Variants in ALDH6A1 observed in about 807,000 individuals in gnomAD.
The protein encoded by ALDH6A1 is aldehyde dehydrogenase 6 family member A1.
In ALDH6A1, 43 loss-of-function variants were observed where a neutral mutation model predicts 62.6. That is an observed-to-expected ratio of 0.69 (90% CI 0.54 to 0.89). ALDH6A1 has a LOEUF of 0.89. ALDH6A1 is among the 40% of genes least tolerant of loss of function. The probability of loss-of-function intolerance (pLI) is 0.00; values close to 1 mark genes in which losing one functional copy is unlikely to be tolerated. For missense variants in ALDH6A1, 551 were observed against 661.3 expected (o/e 0.83, Z 1.83); for synonymous variants, 194 against 234.2 (o/e 0.83, Z 1.57).
At chr14:74,072,746 A>G in intron 2 of ALDH6A1, 135 bp from the exon 3 acceptor site, 1 of 982,910 alleles carries the variant, frequency 1.0e-6, no homozygotes, top group South Asian at 1.4e-5. Context: ...GTCTTTAGAA[A>G]TGTTACCACT....
intron 1 of ALDH6A1, among the ~76,000 whole-genome samples, chr14:74,077,077 C>T (rs766126735): frequency 2.0e-5 from 3 of 152,162 alleles, no homozygotes; most frequent in Non-Finnish European, 4.4e-5. Flanking sequence ...CTTCCAAATA[C>T]CTCATCTGTT....
chr14:74,067,707 T>C (rs1280708069), intron 7 of ALDH6A1, 138 bp from the exon 8 acceptor site: 8 of 923,848 alleles, frequency 8.7e-6, no homozygotes, highest in Non-Finnish European at 1.4e-5. Flanking sequence ...AAGGATAACT[T>C]GAGGTCAGGA....
At position 74,060,467 on chromosome 14, in the gene ALDH6A1, G is replaced by A; in HGVS notation, c.*175C>T. On this transcript the variant is annotated 3_prime_UTR_variant, in exon 12 of 12. Transcript: ENST00000553458. Reference sequence around the variant, plus strand: ...AGCAAGTGAGAAATCTGGTTTCATTGTTACACTAGGCAGTTCCCTATAGAA... The same window carrying A: ...AGCAAGTGAGAAATCTGGTTTCATTATTACACTAGGCAGTTCCCTATAGAA... 3.2e-6 allele frequency: 2 copies of A among 628,694 alleles called. No homozygotes were observed. The highest frequency in any genetic ancestry group is 5.8e-6 in the Non-Finnish European group (2 of 346,196). 38.9% of individuals were successfully genotyped at this position (628,694 alleles called of 1,614,324 possible). A position where few individuals can be genotyped will look rare whatever the true frequency, so the allele number is the denominator to read the frequency against.
At position 74,060,539 on chromosome 14, in the gene ALDH6A1, A is replaced by G; in HGVS notation, c.*103T>C. On this transcript the variant is annotated 3_prime_UTR_variant, in exon 12 of 12. Coordinates refer to ENST00000553458, the MANE Select transcript of ALDH6A1 (RefSeq NM_005589.4). The stretch of plus-strand genomic sequence containing the variant: ...CTGAGGAAGATTTTAGTTACAATGT[A>G]TTCCAATCCCATCGATCTGATCTGA... 1 of 891,088 alleles carries G rather than the reference A, an allele frequency of 1.1e-6. No individual in the cohort carries two copies. Among genetic ancestry groups the G allele is most frequent in the Non-Finnish European group, 1.9e-6 (1 of 527,496 alleles). The allele number at this position is 891,088 out of a possible 1,614,324, so 55.2% of individuals were successfully genotyped here. A position where few individuals can be genotyped will look rare whatever the true frequency, so the allele number is the denominator to read the frequency against.
chr14:74,061,205 C>T (rs562571496), intron 11 of ALDH6A1, among the ~76,000 whole-genome samples: 45 of 151,740 alleles, frequency 3.0e-4, no homozygotes, highest in Non-Finnish European at 5.4e-4. Flanking sequence ...CTCGAACTCC[C>T]GGCCTCAAGT....
chr14:74,059,268 A>G lies in ALDH6A1; in HGVS notation c.*1374T>C. The G allele has an allele frequency of 2.6e-6, 1 of 387,006 alleles. No individual in the cohort carries two copies. The highest frequency in any genetic ancestry group is 1.9e-5 in the South Asian group (1 of 51,418). The allele number at this position is 387,006 out of a possible 1,614,324, so 24.0% of individuals were successfully genotyped here. A position where few individuals can be genotyped will look rare whatever the true frequency, so the allele number is the denominator to read the frequency against. ...CACTAATTAGAAATACAGGCAAGAG[A>G]AAAGAATATATAAAATTTGGCAAGT... is the stretch of plus-strand genomic sequence containing the variant. On this transcript the variant is annotated 3_prime_UTR_variant, in exon 12 of 12. Transcript: ENST00000553458.
At chr14:74,072,754 A>T in intron 2 of ALDH6A1, 143 bp from the exon 3 acceptor site, 1 of 937,488 alleles carries the variant, frequency 1.1e-6, no homozygotes, top group Non-Finnish European at 1.6e-6. Context: ...AAATGTTACC[A>T]CTAGGAAAGA....
chr14:74,059,325 T>A lies in ALDH6A1; in HGVS notation c.*1317A>T, dbSNP rs566392656. The A allele has an allele frequency of 7.7e-5, 35 of 455,496 alleles. No individual in the cohort carries two copies. Among genetic ancestry groups the A allele is most frequent in the Admixed American group, 7.1e-4 (30 of 42,444 alleles). The allele number at this position is 455,496 out of a possible 1,614,324, so 28.2% of individuals were successfully genotyped here. ...AGGTTAGATTTGCTTAAGGCAGGTG[T>A]CTTACCCATTTTCATGGTTGGAACA... On this transcript the variant is annotated 3_prime_UTR_variant, in exon 12 of 12. Transcript: ENST00000553458.
rs572932777 is a variant in ALDH6A1 at position 74,071,125 on chromosome 14, T to G, written c.730+70A>C. The G allele has an allele frequency of 3.9e-4, 546 of 1,414,562 alleles. 11 individuals are homozygous for G. The South Asian group carries it at 4.9e-3, about 13-fold the overall frequency. 87.6% of individuals were successfully genotyped at this position (1,414,562 alleles called of 1,614,324 possible). ...CAAGTAGGTTCCTTATCCTAAAACA[T>G]CCAACCATCACTCAACACCTTGATT... is the stretch of plus-strand genomic sequence containing the variant. On this transcript the variant is annotated intron_variant, in intron 6 of 11. Transcript: ENST00000553458.
chr14:74,082,831 G>T (rs550067059), intron 1 of ALDH6A1: 1 of 152,286 alleles, frequency 6.6e-6, no homozygotes, highest in Non-Finnish European at 1.5e-5. Context: ...AATACATAGT[G>T]TCTGTTTCTG....
chr14:74,057,879 A>G lies in ALDH6A1; in HGVS notation c.*2763T>C. On this transcript the variant is annotated 3_prime_UTR_variant, in exon 12 of 12. Transcript: ENST00000553458. ...CAGATGAGTTGTTTCTAATTAGAGC[A>G]TCACAGTTCTGATTAGTGTGTTTTT... 2.9e-6 allele frequency: 3 copies of G among 1,024,530 alleles called. No homozygotes were observed. The highest frequency in any genetic ancestry group is 3.5e-6 in the Non-Finnish European group (3 of 853,406). 63.5% of individuals were successfully genotyped at this position (1,024,530 alleles called of 1,614,324 possible). A position where few individuals can be genotyped will look rare whatever the true frequency, so the allele number is the denominator to read the frequency against.
Position 74,072,194 on chromosome 14 carries a change from A to G in ALDH6A1, c.348+9T>C. On this transcript the variant is annotated intron_variant, in intron 4 of 11. Transcript: ENST00000553458. The stretch of plus-strand genomic sequence containing the variant: ...CAGTTTGGAAAAGCATACCATTTAG[A>G]TTTCATACCAAGTTTTCTTTAATAA... 6.2e-7 allele frequency: 1 copy of G among 1,614,194 alleles called. No individual in the cohort carries two copies. Among genetic ancestry groups the G allele is most frequent in the Non-Finnish European group, 8.5e-7 (1 of 1,180,048 alleles).
intron 6 of ALDH6A1, chr14:74,070,902 A>C: frequency 2.5e-6 from 1 of 403,964 alleles, no homozygotes; most frequent in South Asian, 2.4e-5. Flanking sequence ...AAATACCCTC[A>C]TGTATTCTCT....
chr14:74,072,738 CT>C, intron 2 of ALDH6A1, 127 bp from the exon 3 acceptor site: 1 of 1,065,502 alleles, frequency 9.4e-7, no homozygotes, highest in South Asian at 1.4e-5. Context: ...ATCTTCTGGT[CT>C]TTAGAAATGT....
intron 1 of ALDH6A1, among the ~76,000 whole-genome samples, chr14:74,083,501 A>G (rs2060690724): frequency 7.0e-6 from 1 of 143,384 alleles, no homozygotes. Context: ...GAGGGTGTGT[A>G]GCACTAGAAG....
At chr14:74,082,502 C>T (rs982695146) in intron 1 of ALDH6A1, among the ~76,000 whole-genome samples, 2 of 146,160 alleles carry the variant, frequency 1.4e-5, no homozygotes, top group African/African-American at 5.1e-5. Context: ...CGGGTTCAAG[C>T]GATTCTCCTG....
intron 1 of ALDH6A1, among the ~76,000 whole-genome samples, chr14:74,080,264 C>G (rs2060657344): frequency 1.3e-5 from 2 of 152,084 alleles, no homozygotes; most frequent in Non-Finnish European, 2.9e-5. Flanking sequence ...TCACTCACCT[C>G]TAGCTGTCCT....
chr14:74,076,695 C>A (rs943095744), intron 1 of ALDH6A1, among the ~76,000 whole-genome samples: 2 of 152,090 alleles, frequency 1.3e-5, no homozygotes, highest in Admixed American at 1.3e-4. Flanking sequence ...CGCCACCATG[C>A]CTGGCTAATT....
intron 1 of ALDH6A1, among the ~76,000 whole-genome samples, chr14:74,082,438 C>T (rs1309275128): frequency 2.6e-5 from 3 of 115,284 alleles, no homozygotes; most frequent in Non-Finnish European, 3.2e-5. Flanking sequence ...CTTGCTCTGT[C>T]GCCCAGGCTG....
Sources: gnomAD v4.1 joint callset for allele counts (sites outside exome capture counted in the v4.1 genomes callset) on GRCh38, gnomAD v4.1.1 for gene constraint, MANE v1.5 for transcripts, NCBI Gene and HGNC (gene_info 2026-07-23, HGNC 2026-07-21) for gene names.